NBEA: variants seen among roughly 807,000 people sequenced by gnomAD.
The protein encoded by NBEA is lysosomal-trafficking regulator 2.
In NBEA, 44 loss-of-function variants were observed where a neutral mutation model predicts 343.4. The ratio of observed to expected loss-of-function variants is 0.13; its 90% CI spans 0.10 to 0.16. The LOEUF is 0.16. NBEA is among the 10% of genes least tolerant of loss of function. The pLI is 1.00. For synonymous variants in NBEA, 1,175 were observed against 1,238.7 expected (o/e 0.95, Z 1.08); for missense variants, 2,555 against 3,631.3 (o/e 0.70, Z 7.62).
intron 38 of NBEA, among the ~76,000 whole-genome samples, chr13:35,429,456 G>A (rs541454177): frequency 1.3e-5 from 2 of 152,060 alleles, no homozygotes; most frequent in South Asian, 4.2e-4. Context: ...CTTTTGCTGG[G>A]GCTTTTTGTT....
chr13:35,281,488 C>T (rs776814451), intron 34 of NBEA, among the ~76,000 whole-genome samples: 19 of 152,188 alleles, frequency 1.2e-4, no homozygotes, highest in African/African-American at 4.1e-4. Context: ...AAGTGAGGTT[C>T]GCCTGACTGA....
chr13:35,174,439 G>A (rs1215878964), intron 27 of NBEA, among the ~76,000 whole-genome samples: 1 of 151,964 alleles, frequency 6.6e-6, no homozygotes, highest in Non-Finnish European at 1.5e-5. Context: ...GTTTAATATT[G>A]ATACAGTAAC....
chr13:35,082,946 G>T (rs565460340), intron 10 of NBEA, among the ~76,000 whole-genome samples: 491 of 152,178 alleles, frequency 3.2e-3, no homozygotes, highest in Non-Finnish European at 5.3e-3. Flanking sequence ...GTCAATTTTG[G>T]CTTTTGTTGC....
chr13:35,553,532 C>T (rs895286599), intron 43 of NBEA, among the ~76,000 whole-genome samples: 2 of 151,952 alleles, frequency 1.3e-5, no homozygotes, highest in East Asian at 3.9e-4. Flanking sequence ...ACTACTCAAG[C>T]AGAATGACAT....
At chr13:35,602,142 T>TA (rs1441787424) in intron 47 of NBEA, among the ~76,000 whole-genome samples, 2 of 152,204 alleles carry the variant, frequency 1.3e-5, no homozygotes, top group Non-Finnish European at 2.9e-5. Flanking sequence ...ACAAATGTAG[T>TA]AATTGCCATC....
chr13:35,030,181 T>G (rs548030541), intron 1 of NBEA, among the ~76,000 whole-genome samples: 16 of 151,860 alleles, frequency 1.1e-4, no homozygotes, highest in African/African-American at 3.9e-4. Flanking sequence ...CTTTGCTTTT[T>G]AAGATGTTTT....
chr13:35,411,162 A>G (rs1195186023), intron 38 of NBEA, among the ~76,000 whole-genome samples: 1 of 152,128 alleles, frequency 6.6e-6, no homozygotes, highest in East Asian at 1.9e-4. Flanking sequence ...CAGTTGTTCA[A>G]AGAAATACTT....
At chr13:35,153,255 G>A (rs187383009) in intron 18 of NBEA, among the ~76,000 whole-genome samples, 57 of 151,864 alleles carry the variant, frequency 3.8e-4, no homozygotes, top group Non-Finnish European at 7.4e-5. Context: ...GGATGGTCTC[G>A]ATCTCCTGAC....
chr13:35,179,969 A>G (rs2152728931), intron 28 of NBEA, among the ~76,000 whole-genome samples: 1 of 151,908 alleles, frequency 6.6e-6, no homozygotes, highest in South Asian at 2.1e-4. Context: ...ATAACCCACA[A>G]TGTATGAAAT....
intron 34 of NBEA, among the ~76,000 whole-genome samples, chr13:35,255,824 C>T (rs2032524525): frequency 6.6e-6 from 1 of 152,184 alleles, no homozygotes; most frequent in Admixed American, 6.5e-5. Context: ...CTTTTCAGTC[C>T]CACCATTTGG....
At chr13:35,336,443 G>T (rs2039266895) in intron 36 of NBEA, among the ~76,000 whole-genome samples, 1 of 152,036 alleles carries the variant, frequency 6.6e-6, no homozygotes, top group South Asian at 2.1e-4. Context: ...AATTATTTCA[G>T]CTATTGCGGA....
chr13:35,077,352 A>G (rs986529576), intron 10 of NBEA, among the ~76,000 whole-genome samples: 1 of 152,114 alleles, frequency 6.6e-6, no homozygotes, highest in African/African-American at 2.4e-5. Context: ...ATAAAAATTC[A>G]TAAACTTCTC....
At chr13:35,306,117 T>A (rs2036877540) in intron 35 of NBEA, among the ~76,000 whole-genome samples, 1 of 152,208 alleles carries the variant, frequency 6.6e-6, no homozygotes, top group African/African-American at 2.4e-5. Context: ...TTCCATCTTC[T>A]AGTTTTGCTG....
intron 42 of NBEA, 83 bp from the exon 43 acceptor site, chr13:35,550,847 A>G: frequency 2.6e-6 from 2 of 782,338 alleles, no homozygotes; most frequent in Non-Finnish European, 4.2e-6. Flanking sequence ...AAATCATGAT[A>G]GGCACTTGAA....
At chr13:35,215,924 C>T (rs1397842407) in intron 33 of NBEA, among the ~76,000 whole-genome samples, 1 of 151,356 alleles carries the variant, frequency 6.6e-6, no homozygotes, top group Non-Finnish European at 1.5e-5. Flanking sequence ...TTTTTGTCTT[C>T]AATGAATTTA....
At chr13:35,250,184 G>T (rs1250694247) in intron 34 of NBEA, among the ~76,000 whole-genome samples, 2 of 152,004 alleles carry the variant, frequency 1.3e-5, no homozygotes, top group African/African-American at 4.8e-5. Flanking sequence ...GCTTTAAAAT[G>T]GTTAAGACTA....
Position 35,352,164 on chromosome 13 carries a change from G to C in NBEA, c.6020G>C (p.Cys2007Ser), listed in dbSNP as rs746549252. 6.8e-7 allele frequency: 1 copy of C among 1,464,582 alleles called. No homozygotes were observed. Among genetic ancestry groups the C allele is most frequent in the Non-Finnish European group, 9.1e-7 (1 of 1,097,208 alleles). The allele number at this position is 1,464,582 out of a possible 1,614,324, so 90.7% of individuals were successfully genotyped here. A position where few individuals can be genotyped will look rare whatever the true frequency, so the allele number is the denominator to read the frequency against. ...VHKHAEFESQ[C>S]AQYAADRREE... ...ATTTGTATTTCTTTATAGTCACAGT[G>C]TGCCCAATATGCTGCTGATAGAAGA... The change falls in exon 38 of 59, where the codon TGT becomes TCT. Residue 2007 changes from cysteine to serine, a missense_variant. Coordinates refer to ENST00000379939, the MANE Select transcript of NBEA (RefSeq NM_001385012.1).
intron 41 of NBEA, among the ~76,000 whole-genome samples, chr13:35,525,975 G>C (rs562348873): frequency 6.6e-6 from 1 of 152,162 alleles, no homozygotes; most frequent in Non-Finnish European, 1.5e-5. Context: ...GGAGAGACAC[G>C]AACGTTCGGA....
chr13:35,256,992 C>T (rs544618922), intron 34 of NBEA, among the ~76,000 whole-genome samples: 1 of 152,342 alleles, frequency 6.6e-6, no homozygotes, highest in Non-Finnish European at 1.5e-5. Context: ...CTGTTCCAGC[C>T]CCCACCTAGT....
Sources: allele counts gnomAD v4.1 joint callset (sites outside exome capture counted in the v4.1 genomes callset), GRCh38; gene constraint gnomAD v4.1.1; transcripts MANE v1.5; gene names NCBI Gene and HGNC (gene_info 2026-07-23, HGNC 2026-07-21).